MAGEB18: variants seen among roughly 807,000 people sequenced by gnomAD.
MAGEB18 encodes the protein melanoma-associated antigen B18.
Under a neutral mutation model 6.3 loss-of-function variants are expected in MAGEB18, and 6 were observed. The ratio of observed to expected loss-of-function variants is 0.95; its 90% CI spans 0.52 to 1.87. MAGEB18 has a LOEUF of 1.87. Among genes scored for constraint, MAGEB18 ranks in the 40% most tolerant of loss-of-function variants. The pLI, the probability that MAGEB18 is intolerant of heterozygous loss-of-function variation, is 0.01. For synonymous variants in MAGEB18, 93 were observed against 97.0 expected (o/e 0.96, Z 0.24); for missense variants, 228 against 265.4 (o/e 0.86, Z 0.98).
chrX:26,139,558 A>G lies in MAGEB18; in HGVS notation c.573A>G (p.Glu191=). The part of the protein sequence containing the change: ...DLTYDETTSD[E]EKIPKTGLLM... ...CCTATGATGAAACAACCAGTGATGA[A>G]GAAAAAATTCCCAAGACTGGCCTCC... The change falls in exon 2 of 3, where the codon GAA becomes GAG. Residue 191 remains glutamate (E), a synonymous_variant. Transcript: ENST00000325250. 1 of 1,206,427 alleles carries G rather than the reference A, an allele frequency of 8.3e-7. No homozygotes were observed.
rs373922512 is a variant in MAGEB18 at position 26,139,986 on chromosome X, C to T, written c.1001C>T (p.Thr334Ile). 9.2e-6 allele frequency: 11 copies of T among 1,193,714 alleles called. No individual in the cohort carries two copies. The highest frequency in any genetic ancestry group is 8.8e-5 in the African/African-American group (5 of 56,826). ...GCCATGGCAAATGCACGTTCCAGAA[C>T]CACGTCTAGCAGCTTCTCCCATGCT... Reference protein sequence around the residue: ...TAAMANARSRTTSSSFSHAK With the variant: ...TAAMANARSRITSSSFSHAK The change falls in exon 2 of 3, where the codon ACC becomes ATC. Residue 334 changes from threonine (T) to isoleucine (I), a missense_variant. Transcript: ENST00000325250.
rs142492796 is a variant in MAGEB18 at position 26,139,173 on chromosome X, C to G, written c.188C>G (p.Ala63Gly). 1.7e-6 allele frequency: 2 copies of G among 1,208,343 alleles called. No homozygotes were observed. Among genetic ancestry groups the G allele is most frequent in the Middle Eastern group, 2.3e-4 (1 of 4,371 alleles). ...PAAETPSIPEALQGAPSTTNA... is the reference protein window; with the variant it reads ...PAAETPSIPEGLQGAPSTTNA... ...GCTGAGACACCTAGCATCCCTGAAG[C>G]GCTTCAGGGAGCCCCATCCACCACC... The change falls in exon 2 of 3, where the codon GCG (alanine) becomes GGG (glycine). Residue 63 changes from alanine (A) to glycine (G), a missense_variant. Coordinates refer to ENST00000325250, the MANE Select transcript of MAGEB18 (RefSeq NM_173699.4).
At position 26,139,361 on chromosome X, in the gene MAGEB18, G is replaced by T. The variant is rs767490307; in HGVS notation, c.376G>T (p.Glu126Ter). 1 of 1,198,004 alleles carries T rather than the reference G, an allele frequency of 8.3e-7. No individual in the cohort carries two copies. Among genetic ancestry groups the T allele is most frequent in the South Asian group, 1.8e-5 (1 of 55,084 alleles). ...HFLLQKYETK[E>*]PITKGDMIKF... ...CTTGCTTCAGAAGTATGAAACGAAAGAGCCAATTACAAAGGGAGATATGAT... is the reference window on the plus strand; with the variant it reads ...CTTGCTTCAGAAGTATGAAACGAAATAGCCAATTACAAAGGGAGATATGAT... The change falls in exon 2 of 3, where the codon GAG (glutamate) becomes TAG (stop). Residue 126 changes from glutamate to a stop codon, truncating the protein, a stop_gained. Coordinates refer to ENST00000325250, the MANE Select transcript of MAGEB18 (RefSeq NM_173699.4). LOFTEE classifies it high-confidence loss of function.
intron 1 of MAGEB18, 60 bp from the exon 2 acceptor site, chrX:26,138,864 A>T: frequency 1.7e-6 from 1 of 580,261 alleles, no homozygotes; most frequent in Non-Finnish European, 2.7e-6. Flanking sequence ...GGCCATTCTT[A>T]GACCAAGGTA....
chrX:26,140,148 G>T, intron 2 of MAGEB18, 32 bp from the exon 3 acceptor site: 1 of 579,598 alleles, frequency 1.7e-6, no homozygotes, highest in Non-Finnish European at 2.6e-6. Context: ...GATAACTCGA[G>T]TTTTACTTTT....
rs1186250659 is a variant in MAGEB18 at position 26,139,519 on chromosome X, C to T, written c.534C>T (p.Ser178=). Residue 178 remains serine (S), a synonymous_variant, in exon 2 of 3, where the codon AGC becomes AGT. Transcript: ENST00000325250. The part of the protein sequence containing the change: ...DPIRHYYAFF[S]KLDLTYDETT... ...TCAGGCACTACTATGCCTTTTTCAG[C>T]AAATTAGACCTCACCTATGATGAAA... is the stretch of plus-strand genomic sequence containing the variant. 1 of 1,207,716 alleles carries T rather than the reference C, an allele frequency of 8.3e-7. No homozygotes were observed. The highest frequency in any genetic ancestry group is 2.2e-5 in the Admixed American group (1 of 45,627).
chrX:26,139,477 G>C lies in MAGEB18; in HGVS notation c.492G>C (p.Leu164Phe). 1 of 1,207,586 alleles carries C rather than the reference G, an allele frequency of 8.3e-7. No individual in the cohort carries two copies. The highest frequency in any genetic ancestry group is 2.2e-5 in the Admixed American group (1 of 45,641). ...TGGAGCTGGCACTTGGTGTTGATTT[G>C]AAGGAAGTGGATCCCATCAGGCACT... is the stretch of plus-strand genomic sequence containing the variant. Reference protein sequence around the residue: ...EHMELALGVDLKEVDPIRHYY... With the variant: ...EHMELALGVDFKEVDPIRHYY... Residue 164 changes from leucine to phenylalanine, a missense_variant, in exon 2 of 3, where the codon TTG (leucine) becomes TTC (phenylalanine). By Grantham distance (22) the Leu-to-Phe change is conservative (BLOSUM62 0). Coordinates refer to ENST00000325250, the MANE Select transcript of MAGEB18 (RefSeq NM_173699.4).
In MAGEB18 at chrX:26,139,083, CAGA is replaced by C; in HGVS notation, c.101_103del (p.Glu34del). The C allele has an allele frequency of 2.5e-6, 3 of 1,211,150 alleles. No homozygotes were observed. Among genetic ancestry groups the C allele is most frequent in the Non-Finnish European group, 3.4e-6 (3 of 895,101 alleles). On this transcript the variant is annotated inframe_deletion, in exon 2 of 3. Transcript: ENST00000325250. The stretch of plus-strand genomic sequence containing the variant: ...CTGGGAGCTACGCAGGCCACTGTGG[CAGA>C]AGGAGAGTCACCCTCCCCTGCCTAT...
rs1200443735 is a variant in MAGEB18 at position 26,139,386 on chromosome X, T to C, written c.401T>C (p.Ile134Thr). Residue 134 changes from isoleucine to threonine, a missense_variant, in exon 2 of 3, where the codon ATA (isoleucine) becomes ACA (threonine). Transcript: ENST00000325250. The stretch of plus-strand genomic sequence containing the variant: ...GAGCCAATTACAAAGGGAGATATGA[T>C]AAAGTTTGTTATCAGGAAGGATAAG... ...TKEPITKGDM[I>T]KFVIRKDKCH... 9.2e-6 allele frequency: 11 copies of C among 1,192,934 alleles called. No homozygotes were observed. The highest frequency in any genetic ancestry group is 1.7e-5 in the African/African-American group (1 of 57,254).
In MAGEB18 at chrX:26,138,810, T is replaced by A; in HGVS notation, c.-62-114T>A. The A allele has an allele frequency of 9.1e-6, 4 of 440,151 alleles. No homozygotes were observed. The South Asian group carries it at 1.6e-4, about 17-fold the overall frequency. 36.3% of individuals were successfully genotyped at this position (440,151 alleles called of 1,213,427 possible). On this transcript the variant is annotated intron_variant, in intron 1 of 2. Coordinates refer to ENST00000325250, the MANE Select transcript of MAGEB18 (RefSeq NM_173699.4). Reference sequence around the variant, plus strand: ...AGAACAGTCCCACCCCGCTCCTGCCTTATGGGTTCCTAAAGCAATACCCTC... The same window carrying A: ...AGAACAGTCCCACCCCGCTCCTGCCATATGGGTTCCTAAAGCAATACCCTC...
In MAGEB18 at chrX:26,139,813, C is replaced by T. The variant is rs751770024; in HGVS notation, c.828C>T (p.His276=). 5.1e-5 allele frequency: 62 copies of T among 1,209,842 alleles called. No individual in the cohort carries two copies. The highest frequency in any genetic ancestry group is 6.5e-5 in the Non-Finnish European group (58 of 895,184). ...AATTCCTGTGGGGTCCAAGAGCTCA[C>T]GCTGAAACTAGCAAGATGAAAGTCC... ...RYEFLWGPRA[H]AETSKMKVLE... Residue 276 remains histidine (H), a synonymous_variant, in exon 2 of 3, where the codon CAC becomes CAT. Coordinates refer to ENST00000325250, the MANE Select transcript of MAGEB18 (RefSeq NM_173699.4).
rs112535170 is a variant in MAGEB18, at chrX:26,140,342, C to CTTT, written c.*207_*209dup. On this transcript the variant is annotated 3_prime_UTR_variant, in exon 3 of 3. Coordinates refer to ENST00000325250, the MANE Select transcript of MAGEB18 (RefSeq NM_173699.4). ...AACTCGGAGTTGTATCTTTTTCTTT[C>CTTT]TTTTTTTTTTGGTGTTATATTTCAA... 103 of 168,531 alleles carry CTTT rather than the reference C, an allele frequency of 6.1e-4. No individual in the cohort carries two copies. The highest frequency in any genetic ancestry group is 1.1e-3 in the Admixed American group (14 of 12,783). The allele number at this position is 168,531 out of a possible 1,213,427, so 13.9% of individuals were successfully genotyped here.
At chrX:26,138,679 C>G (rs758741069) in intron 1 of MAGEB18, among the ~76,000 whole-genome samples, 3 of 111,548 alleles carry the variant, frequency 2.7e-5, no homozygotes, top group Non-Finnish European at 5.7e-5. Context: ...AGTCAACAGA[C>G]GGAGGACTCA....
At chrX:26,138,889 A>G in intron 1 of MAGEB18, 35 bp from the exon 2 acceptor site, 1 of 702,715 alleles carries the variant, frequency 1.4e-6, no homozygotes, top group South Asian at 2.9e-5. Context: ...CTCCCTACCA[A>G]GGCTGTGAAC....
chrX:26,139,231 T>G lies in MAGEB18; in HGVS notation c.246T>G (p.Asn82Lys). The change falls in exon 2 of 3, where the codon AAT (asparagine) becomes AAG (lysine). Residue 82 changes from asparagine (N) to lysine (K), a missense_variant. Asn to Lys is a moderately conservative substitution (Grantham distance 94). Coordinates refer to ENST00000325250, the MANE Select transcript of MAGEB18 (RefSeq NM_173699.4). ...TTGCACCTGTTTCATGCAGTTCAAA[T>G]GAAGGTGCCAGCAGCCAAGATGAGA... ...NAIAPVSCSS[N>K]EGASSQDEKS... 8.3e-7 allele frequency: 1 copy of G among 1,211,448 alleles called. No individual in the cohort carries two copies. The highest frequency in any genetic ancestry group is 3.0e-5 in the East Asian group (1 of 33,793).
Position 26,139,440 on chromosome X carries a change from C to T in MAGEB18, c.455C>T (p.Ala152Val). The change falls in exon 2 of 3, where the codon GCC (alanine) becomes GTC (valine). Residue 152 changes from alanine (A) to valine (V), a missense_variant. Transcript: ENST00000325250. ...CACTTCAATGAGATCCTCAAGAGAG[C>T]CTCTGAGCACATGGAGCTGGCACTT... Reference protein sequence around the residue: ...KCHFNEILKRASEHMELALGV... With the variant: ...KCHFNEILKRVSEHMELALGV... 1 of 1,203,232 alleles carries T rather than the reference C, an allele frequency of 8.3e-7. No individual in the cohort carries two copies.
rs1928414076 is a variant in MAGEB18, at chrX:26,138,980, G to GT, written c.-5dup. ...CTATTGTCTGTAGTCCCTGACAAGA[G>GT]TAATTATGCCTCGAGGTCAGAAGAG... On this transcript the variant is annotated 5_prime_UTR_variant, in exon 2 of 3. Transcript: ENST00000325250. The GT allele has an allele frequency of 8.4e-7, 1 of 1,187,753 alleles. No homozygotes were observed. Among genetic ancestry groups the GT allele is most frequent in the Admixed American group, 2.4e-5 (1 of 42,312 alleles).
chrX:26,139,448 C>A lies in MAGEB18; in HGVS notation c.463C>A (p.His155Asn). The A allele has an allele frequency of 8.3e-7, 1 of 1,205,175 alleles. No homozygotes were observed. Among genetic ancestry groups the A allele is most frequent in the Non-Finnish European group, 1.1e-6 (1 of 891,913 alleles). ...FNEILKRASE[H>N]MELALGVDLK... ...TGAGATCCTCAAGAGAGCCTCTGAG[C>A]ACATGGAGCTGGCACTTGGTGTTGA... The change falls in exon 2 of 3, where the codon CAC becomes AAC. Residue 155 changes from histidine to asparagine, a missense_variant. Coordinates refer to ENST00000325250, the MANE Select transcript of MAGEB18 (RefSeq NM_173699.4).
intron 2 of MAGEB18, 41 bp from the exon 3 acceptor site, chrX:26,140,136 TTGA>T (rs1928439493): frequency 3.2e-6 from 2 of 624,441 alleles, no homozygotes; most frequent in Non-Finnish European, 4.7e-6. Flanking sequence ...CTATTGTATA[TTGA>T]TAACTCGAGT....
Sources: allele counts gnomAD v4.1 joint callset (sites outside exome capture counted in the v4.1 genomes callset), GRCh38; gene constraint gnomAD v4.1.1; transcripts MANE v1.5; gene names NCBI Gene and HGNC (gene_info 2026-07-23, HGNC 2026-07-21).